Variants in FRMD5 observed in about 807,000 individuals in gnomAD.
FRMD5 encodes FERM domain containing 5.
Under a neutral mutation model 69.0 loss-of-function variants are expected in FRMD5, and 20 were observed. The ratio of observed to expected loss-of-function variants is 0.29; its 90% confidence interval spans 0.20 to 0.42. The LOEUF is 0.42. Ranked by LOEUF, FRMD5 falls within the 10% of genes least tolerant of loss-of-function variation. The pLI is 1.00. For missense variants in FRMD5, 595 were observed against 708.6 expected, an observed-to-expected ratio of 0.84 and a Z score of 1.82; for synonymous variants, 271 against 260.1, an observed-to-expected ratio of 1.04 and a Z score of -0.40.
chr15:43,919,652 T>G, intron 3 of FRMD5, 115 bp from the exon 4 acceptor site: 1 of 1,442,538 alleles, frequency 6.9e-7, no homozygotes. Context: ...TAGGGCCAAC[T>G]TATACTCAGA....
At chr15:44,132,532 G>T (rs1358418048) in intron 1 of FRMD5, among the ~76,000 whole-genome samples, 1 of 152,064 alleles carries the variant, frequency 6.6e-6, no homozygotes, top group Non-Finnish European at 1.5e-5. Context: ...GGACTCAAGT[G>T]ATCTTCCCAC....
intron 1 of FRMD5, among the ~76,000 whole-genome samples, chr15:43,991,986 G>C (rs899631594): frequency 2.0e-5 from 3 of 152,150 alleles, no homozygotes; most frequent in Non-Finnish European, 2.9e-5. Flanking sequence ...TGAAGTATGA[G>C]AGAAACAGAA....
At chr15:44,073,648 A>C (rs1893633030) in intron 1 of FRMD5, among the ~76,000 whole-genome samples, 1 of 152,108 alleles carries the variant, frequency 6.6e-6, no homozygotes, top group Non-Finnish European at 1.5e-5. Flanking sequence ...GGCTGATCCC[A>C]CTGCCCACAA....
intron 1 of FRMD5, among the ~76,000 whole-genome samples, chr15:44,131,943 T>G (rs933534566): frequency 5.3e-5 from 8 of 152,218 alleles, no homozygotes; most frequent in African/African-American, 1.7e-4. Flanking sequence ...TTTATTTCTA[T>G]TATTATTACA....
Position 43,873,546 on chromosome 15 carries a change from A to G in FRMD5, c.*339T>C. The stretch of plus-strand genomic sequence containing the variant: ...GCAATAATCAGTAATAGTAAAATAA[A>G]TTATTTTTATTTGATACTTCAAAAT... On this transcript the variant is annotated 3_prime_UTR_variant, in exon 14 of 14. Transcript: ENST00000417257. 7.2e-7 allele frequency: 1 copy of G among 1,387,922 alleles called. No homozygotes were observed. Among genetic ancestry groups the G allele is most frequent in the South Asian group, 1.4e-5 (1 of 70,908 alleles). The allele number at this position is 1,387,922 out of a possible 1,614,324, so 86.0% of individuals were successfully genotyped here. A position where few individuals can be genotyped will look rare whatever the true frequency, so the allele number is the denominator to read the frequency against.
intron 1 of FRMD5, among the ~76,000 whole-genome samples, chr15:44,074,054 T>C (rs1361580006): frequency 1.3e-5 from 2 of 152,198 alleles, no homozygotes; most frequent in South Asian, 2.1e-4. Context: ...CTATCCTATA[T>C]ATCCATCCTA....
intron 7 of FRMD5, among the ~76,000 whole-genome samples, chr15:43,897,479 C>T (rs1332765422): frequency 8.4e-6 from 1 of 119,288 alleles, no homozygotes; most frequent in African/African-American, 3.4e-5. Context: ...AAGAGTGACA[C>T]TCCATCTCAA....
intron 1 of FRMD5, among the ~76,000 whole-genome samples, chr15:44,141,707 A>G (rs1457591560): frequency 6.6e-6 from 1 of 152,174 alleles, no homozygotes; most frequent in Non-Finnish European, 1.5e-5. Context: ...CCAGAACTGA[A>G]TTCTCCTTGT....
chr15:44,035,200 C>A (rs1025893909), intron 1 of FRMD5, among the ~76,000 whole-genome samples: 5 of 152,120 alleles, frequency 3.3e-5, no homozygotes, highest in African/African-American at 1.2e-4. Context: ...TGGTTCCATA[C>A]CCAAAAAACA....
chr15:43,984,674 GAA>G (rs991610483), intron 1 of FRMD5, among the ~76,000 whole-genome samples: 1 of 152,180 alleles, frequency 6.6e-6, no homozygotes. Flanking sequence ...CCACAGGATG[GAA>G]ATTAGGTTGA....
intron 12 of FRMD5, among the ~76,000 whole-genome samples, chr15:43,884,116 T>A (rs1446350507): frequency 6.6e-6 from 1 of 152,142 alleles, no homozygotes; most frequent in Non-Finnish European, 1.5e-5. Flanking sequence ...GGATGAGCAG[T>A]ACTCCTGAAA....
chr15:43,924,169 C>T lies in FRMD5; in HGVS notation c.207+36G>A, dbSNP rs200446032. The T allele has an allele frequency of 2.3e-5, 33 of 1,459,594 alleles. No homozygotes were observed. In the African/African-American group the frequency reaches 4.2e-4, roughly 18 times the overall value. 90.4% of individuals were successfully genotyped at this position (1,459,594 alleles called of 1,614,324 possible). A position where few individuals can be genotyped will look rare whatever the true frequency, so the allele number is the denominator to read the frequency against. The stretch of plus-strand genomic sequence containing the variant: ...TCAAGACCTCAGTCTTATTGACTAG[C>T]CCTGTCCTCCTTTTGTGCTTTGAAT... On this transcript the variant is annotated intron_variant, in intron 2 of 13. Transcript: ENST00000417257.
chr15:43,934,650 G>A (rs1269643883), intron 1 of FRMD5, among the ~76,000 whole-genome samples: 1 of 152,198 alleles, frequency 6.6e-6, no homozygotes, highest in East Asian at 1.9e-4. Context: ...TATCCTGCTA[G>A]AGTCTGGTCA....
At chr15:44,168,550 G>A (rs1440888682) in intron 1 of FRMD5, among the ~76,000 whole-genome samples, 2 of 152,160 alleles carry the variant, frequency 1.3e-5, no homozygotes, top group Admixed American at 6.5e-5. Flanking sequence ...TATTAGTAAT[G>A]ACAAGAACAA....
intron 9 of FRMD5, 67 bp downstream of exon 9, chr15:43,888,742 G>A: frequency 7.2e-7 from 1 of 1,382,428 alleles, no homozygotes; most frequent in Non-Finnish European, 1.0e-6. Flanking sequence ...CCTCAAGCTT[G>A]GCTCTGGCCA....
chr15:43,913,943 T>C (rs915641035), intron 4 of FRMD5, among the ~76,000 whole-genome samples: 1 of 152,256 alleles, frequency 6.6e-6, no homozygotes, highest in Non-Finnish European at 1.5e-5. Context: ...GAGAACACGC[T>C]TGCTTCTGAG....
At chr15:44,024,106 G>A (rs1891328809) in intron 1 of FRMD5, among the ~76,000 whole-genome samples, 1 of 152,044 alleles carries the variant, frequency 6.6e-6, no homozygotes, top group Non-Finnish European at 1.5e-5. Context: ...TGTACAGTTG[G>A]AATCTAGGTT....
chr15:43,933,950 T>G (rs1314012579), intron 1 of FRMD5, among the ~76,000 whole-genome samples: 1 of 152,238 alleles, frequency 6.6e-6, no homozygotes, highest in African/African-American at 2.4e-5. Flanking sequence ...ACAGGGAGTC[T>G]GTTCCAGAAC....
intron 1 of FRMD5, among the ~76,000 whole-genome samples, chr15:44,189,680 G>A (rs913991794): frequency 1.1e-4 from 17 of 151,724 alleles, no homozygotes; most frequent in Admixed American, 5.3e-4. Flanking sequence ...TAGTAGAGAC[G>A]GGGGTTTTAC....
Sources: gnomAD v4.1 joint callset for allele counts (sites outside exome capture counted in the v4.1 genomes callset) on GRCh38, gnomAD v4.1.1 for gene constraint, MANE v1.5 for transcripts, NCBI Gene and HGNC (gene_info 2026-07-23, HGNC 2026-07-21) for gene names.